Variants in GABPA observed in about 807,000 individuals in gnomAD.
GABPA encodes the protein GA-binding protein alpha chain.
In GABPA, 4 loss-of-function variants were observed where a neutral mutation model predicts 59.4. The observed-to-expected ratio is 0.07, with a 90% CI of 0.03 to 0.15. The LOEUF (loss-of-function observed/expected upper bound fraction) is 0.15. Ranked by LOEUF, GABPA falls within the 10% of genes least tolerant of loss-of-function variation. The pLI is 1.00. For synonymous variants in GABPA, 164 were observed against 183.1 expected, an observed-to-expected ratio of 0.90 and a Z score of 0.84; for missense variants, 251 against 543.8, an observed-to-expected ratio of 0.46 and a Z score of 5.36.
Position 25,769,083 on chromosome 21 carries a change from C to G in GABPA, c.1216C>G (p.Leu406Val). 2 of 1,613,422 alleles carry G rather than the reference C, an allele frequency of 1.2e-6. No homozygotes were observed. Among genetic ancestry groups the G allele is most frequent in the Non-Finnish European group, 1.7e-6 (2 of 1,179,482 alleles). Residue 406 changes from leucine (L) to valine (V), a missense_variant, in exon 10 of 10, where the codon CTT (leucine) becomes GTT (valine). Coordinates refer to ENST00000400075, the MANE Select transcript of GABPA (RefSeq NM_002040.4). ...CAAGTTTGTCTGTGACTTGAAGACT[C>G]TTATTGGATACAGTGCAGCGGAGTT... ...VYKFVCDLKT[L>V]IGYSAAELNR...
chr21:25,768,943 A>C (rs2035956319), intron 9 of GABPA, 61 bp from the exon 10 acceptor site: 1 of 1,078,446 alleles, frequency 9.3e-7, no homozygotes, highest in Non-Finnish European at 1.4e-6. Context: ...AATAGTCTGT[A>C]AATTATTGTA....
chr21:25,770,619 G>C lies in GABPA; in HGVS notation c.*1387G>C, dbSNP rs115790549. ...ATATTTATGCACCTTCTCCTTCATT[G>C]TTTTCTTTAAATCTGTCCTCTTAAA... On this transcript the variant is annotated 3_prime_UTR_variant, in exon 10 of 10. Transcript: ENST00000400075. The C allele has an allele frequency of 1.4e-3, 207 of 152,136 alleles. 1 individual carries two copies. Among genetic ancestry groups the C allele is most frequent in the Middle Eastern group, 6.8e-3 (2 of 294 alleles). 9.4% of individuals were successfully genotyped at this position (152,136 alleles called of 1,614,324 possible).
At chr21:25,745,167 G>A (rs2035330082) in intron 2 of GABPA, 43 bp from the exon 3 acceptor site, 1 of 1,596,400 alleles carries the variant, frequency 6.3e-7, no homozygotes, top group Admixed American at 1.8e-5. Flanking sequence ...TGAAATCCAG[G>A]GTAAAAAATG....
At chr21:25,765,743 T>C (rs1371469072) in intron 9 of GABPA, among the ~76,000 whole-genome samples, 2 of 152,014 alleles carry the variant, frequency 1.3e-5, no homozygotes, top group African/African-American at 4.8e-5. Flanking sequence ...TCGTTTATAA[T>C]CATAATTAAA....
chr21:25,737,877 G>A (rs867720428), intron 1 of GABPA, among the ~76,000 whole-genome samples: 4 of 151,980 alleles, frequency 2.6e-5, no homozygotes, highest in African/African-American at 9.7e-5. Flanking sequence ...TATCTATTTT[G>A]TGTGGACATT....
At chr21:25,761,237 C>G (rs1213889292) in intron 6 of GABPA, among the ~76,000 whole-genome samples, 1 of 152,086 alleles carries the variant, frequency 6.6e-6, no homozygotes, top group Non-Finnish European at 1.5e-5. Context: ...AAACATGTTT[C>G]TTTAATCCTC....
intron 1 of GABPA, among the ~76,000 whole-genome samples, chr21:25,736,231 G>T (rs765378413): frequency 2.0e-5 from 3 of 152,156 alleles, no homozygotes; most frequent in Non-Finnish European, 4.4e-5. Flanking sequence ...GGACCGAGAG[G>T]ACAATGCCTA....
At chr21:25,763,610 T>TA (rs1032740831) in intron 7 of GABPA, among the ~76,000 whole-genome samples, 4 of 152,216 alleles carry the variant, frequency 2.6e-5, no homozygotes, top group African/African-American at 9.6e-5. Flanking sequence ...TCCACATGTT[T>TA]AAACATTGTT....
At chr21:25,756,680 C>G (rs2035645234) in intron 5 of GABPA, among the ~76,000 whole-genome samples, 1 of 152,218 alleles carries the variant, frequency 6.6e-6, no homozygotes, top group South Asian at 2.1e-4. Flanking sequence ...TGCACACAAG[C>G]TAAGACCATG....
Position 25,735,204 on chromosome 21 carries a change from C to T in GABPA, c.-401C>T. ...TGAGTGGCCTTTCCCCTAGTTCAAGCTCCCCTCCGAGTCAGCGTCCTGTTC... is the reference window on the plus strand; with the variant it reads ...TGAGTGGCCTTTCCCCTAGTTCAAGTTCCCCTCCGAGTCAGCGTCCTGTTC... On this transcript the variant is annotated 5_prime_UTR_variant, in exon 1 of 10. Coordinates refer to ENST00000400075, the MANE Select transcript of GABPA (RefSeq NM_002040.4). 1.7e-6 allele frequency: 1 copy of T among 594,668 alleles called. No individual in the cohort carries two copies. The highest frequency in any genetic ancestry group is 2.8e-5 in the East Asian group (1 of 35,836). 36.8% of individuals were successfully genotyped at this position (594,668 alleles called of 1,614,324 possible). A position where few individuals can be genotyped will look rare whatever the true frequency, so the allele number is the denominator to read the frequency against.
chr21:25,743,378 T>C (rs13046695), intron 2 of GABPA, among the ~76,000 whole-genome samples: 42,891 of 152,042 alleles, frequency 0.28, 7,702 homozygotes, highest in African/African-American at 0.51. Flanking sequence ...CCTCTTGGAG[T>C]CTAGCATGCA....
intron 8 of GABPA, 104 bp downstream of exon 8, chr21:25,764,454 C>G (rs1391510962): frequency 7.1e-7 from 1 of 1,411,030 alleles, no homozygotes; most frequent in African/African-American, 1.5e-5. Flanking sequence ...ATCCCTCTGG[C>G]AGTTTTTAGA....
Position 25,769,253 on chromosome 21 carries a change from T to G in GABPA, c.*21T>G. On this transcript the variant is annotated 3_prime_UTR_variant, in exon 10 of 10. Coordinates refer to ENST00000400075, the MANE Select transcript of GABPA (RefSeq NM_002040.4). ...ATTGAGCCCCAGGACATTCTGAGAC[T>G]CCAAAGTCTTTCTTAAAATGTTTAG... The G allele has an allele frequency of 6.8e-7, 1 of 1,476,536 alleles. No individual in the cohort carries two copies. The highest frequency in any genetic ancestry group is 1.4e-5 in the African/African-American group (1 of 72,110). 91.5% of individuals were successfully genotyped at this position (1,476,536 alleles called of 1,614,324 possible). A position where few individuals can be genotyped will look rare whatever the true frequency, so the allele number is the denominator to read the frequency against.
intron 7 of GABPA, among the ~76,000 whole-genome samples, 161 bp downstream of exon 7, chr21:25,762,526 C>T (rs973074269): frequency 1.3e-5 from 2 of 152,070 alleles, no homozygotes; most frequent in Non-Finnish European, 2.9e-5. Flanking sequence ...TTTATAAGAT[C>T]CACTCATGTG....
At chr21:25,765,135 C>G (rs899686800) in intron 9 of GABPA, among the ~76,000 whole-genome samples, 1 of 151,908 alleles carries the variant, frequency 6.6e-6, no homozygotes, top group Non-Finnish European at 1.5e-5. Context: ...TTTACAATTA[C>G]AAGCAGAATA....
chr21:25,766,476 C>T (rs961419409), intron 9 of GABPA, among the ~76,000 whole-genome samples: 1 of 151,930 alleles, frequency 6.6e-6, no homozygotes, highest in African/African-American at 2.4e-5. Context: ...ACATGTCGGA[C>T]AGAAGTATCT....
At chr21:25,761,891 T>A (rs1488215357) in intron 6 of GABPA, among the ~76,000 whole-genome samples, 1 of 152,202 alleles carries the variant, frequency 6.6e-6, no homozygotes, top group African/African-American at 2.4e-5. Context: ...CAAAAGTGGA[T>A]GTTATAACAA....
At chr21:25,750,074 A>G (rs1190113667) in intron 4 of GABPA, among the ~76,000 whole-genome samples, 4 of 152,226 alleles carry the variant, frequency 2.6e-5, no homozygotes, top group Non-Finnish European at 5.9e-5. Flanking sequence ...CCCTGCAACT[A>G]GACAGTTTCA....
At position 25,743,285 on chromosome 21, in the gene GABPA, T is replaced by C. The variant is rs564665000; in HGVS notation, c.77+1610T>C. Among the ~76,000 whole-genome samples the C allele has an allele frequency of 1.8e-3, 275 of 152,312 alleles. 1 individual carries two copies. The highest frequency in any genetic ancestry group is 3.2e-3 in the Non-Finnish European group (219 of 68,014). ...TAAGAAGTGACATATCACTTTGTCT[T>C]AGTCTTCTGGTCACACAGTCCAACC... is the stretch of plus-strand genomic sequence containing the variant. On this transcript the variant is annotated intron_variant, in intron 2 of 9. Transcript: ENST00000400075.
Sources: gnomAD v4.1 joint callset for allele counts (sites outside exome capture counted in the v4.1 genomes callset) on GRCh38, gnomAD v4.1.1 for gene constraint, MANE v1.5 for transcripts, NCBI Gene and HGNC (gene_info 2026-07-23, HGNC 2026-07-21) for gene names.